Variants in BICD1 observed in about 807,000 individuals in gnomAD.
BICD1 encodes the protein BICD cargo adaptor 1.
Under a neutral mutation model 92.5 loss-of-function variants are expected in BICD1, and 35 were observed. The ratio of observed to expected loss-of-function variants is 0.38; its 90% CI spans 0.29 to 0.50. The LOEUF is 0.50. BICD1 is among the 20% of genes least tolerant of loss of function. BICD1 has a pLI of 0.93. For missense variants in BICD1, 950 were observed against 1,189.8 expected, an observed-to-expected ratio of 0.80 and a Z score of 2.97; for synonymous variants, 429 against 465.1, an observed-to-expected ratio of 0.92 and a Z score of 1.00.
chr12:32,127,440 C>T (rs1942385121), intron 1 of BICD1, among the ~76,000 whole-genome samples: 1 of 152,150 alleles, frequency 6.6e-6, no homozygotes, highest in Non-Finnish European at 1.5e-5. Flanking sequence ...ATCTTTCCTG[C>T]ACTAATTTCC....
At chr12:32,277,265 G>A (rs568602700) in intron 2 of BICD1, among the ~76,000 whole-genome samples, 3 of 152,190 alleles carry the variant, frequency 2.0e-5, no homozygotes, top group South Asian at 2.1e-4. Flanking sequence ...ATGGTGGCAC[G>A]CACCTGTAAT....
chr12:32,327,559 G>A lies in BICD1; in HGVS notation c.1104G>A (p.Val368=), dbSNP rs146721062. 8.1e-6 allele frequency: 13 copies of A among 1,614,164 alleles called. No individual in the cohort carries two copies. The highest frequency in any genetic ancestry group is 1.0e-5 in the Non-Finnish European group (12 of 1,180,032). The part of the protein sequence containing the change: ...KGALTEQHER[V]HRLTEHVNAM... ...CACTGACGGAGCAGCATGAGCGGGTGCACCGGCTCACAGAGCACGTCAATG... is the reference window on the plus strand; with the variant it reads ...CACTGACGGAGCAGCATGAGCGGGTACACCGGCTCACAGAGCACGTCAATG... Residue 368 remains valine, a synonymous_variant, in exon 5 of 10, where the codon GTG becomes GTA. Coordinates refer to ENST00000652176, the MANE Select transcript of BICD1 (RefSeq NM_001714.4).
chr12:32,107,707 C>T, intron 1 of BICD1, 163 bp downstream of exon 1: 1 of 857,360 alleles, frequency 1.2e-6, no homozygotes, highest in South Asian at 1.4e-5. Context: ...ATTGTTTCCT[C>T]CCCCAAGAGA....
At chr12:32,197,919 A>T (rs929025055) in intron 1 of BICD1, among the ~76,000 whole-genome samples, 3 of 152,076 alleles carry the variant, frequency 2.0e-5, no homozygotes, top group African/African-American at 7.2e-5. Flanking sequence ...TAAAAAAAAA[A>T]AAATTGCCAG....
At chr12:32,291,016 C>A (rs1947712371) in intron 2 of BICD1, among the ~76,000 whole-genome samples, 1 of 152,162 alleles carries the variant, frequency 6.6e-6, no homozygotes, top group Admixed American at 6.5e-5. Context: ...ACAGTGTCTG[C>A]CTATTTTATT....
intron 1 of BICD1, among the ~76,000 whole-genome samples, chr12:32,142,497 T>G (rs1942975154): frequency 1.5e-5 from 1 of 67,554 alleles, no homozygotes; most frequent in African/African-American, 4.8e-5. Flanking sequence ...TATTGGTCTA[T>G]CTATCTAGAT....
chr12:32,155,725 A>T (rs2121460342), intron 1 of BICD1, among the ~76,000 whole-genome samples: 1 of 152,380 alleles, frequency 6.6e-6, no homozygotes, highest in South Asian at 2.1e-4. Context: ...CAGTTGCATT[A>T]AAACATAAAA....
chr12:32,238,622 T>C (rs183104275), intron 2 of BICD1, among the ~76,000 whole-genome samples: 19 of 152,204 alleles, frequency 1.2e-4, no homozygotes, highest in African/African-American at 4.6e-4. Flanking sequence ...AAAGGAACAA[T>C]TGGTGCAGCA....
rs1940222193 is a variant in BICD1, at chr12:32,382,592, C to T, written c.*4965C>T. On this transcript the variant is annotated 3_prime_UTR_variant, in exon 10 of 10. Transcript: ENST00000652176. ...TTATTTAAAATTTGCCCTATTTAAG[C>T]TGAAGCCTGGATAAACTGCTGAGCC... 6.6e-6 allele frequency: 1 copy of T among 151,814 alleles called. No homozygotes were observed. Among genetic ancestry groups the T allele is most frequent in the Admixed American group, 6.6e-5 (1 of 15,236 alleles). The allele number at this position is 151,814 out of a possible 1,614,324, so 9.4% of individuals were successfully genotyped here. A position where few individuals can be genotyped will look rare whatever the true frequency, so the allele number is the denominator to read the frequency against.
chr12:32,308,376 C>T (rs969399558), intron 4 of BICD1, among the ~76,000 whole-genome samples: 2 of 152,160 alleles, frequency 1.3e-5, no homozygotes, highest in Non-Finnish European at 2.9e-5. Flanking sequence ...GACAGTCATT[C>T]TTAGAGGACA....
chr12:32,327,009 T>C (rs542873214), intron 4 of BICD1, among the ~76,000 whole-genome samples: 18 of 152,280 alleles, frequency 1.2e-4, no homozygotes, highest in Non-Finnish European at 2.4e-4. Context: ...TAAACCTGAT[T>C]TGGGGTTGAG....
chr12:32,192,775 G>A (rs1223384662), intron 1 of BICD1, among the ~76,000 whole-genome samples: 2 of 152,222 alleles, frequency 1.3e-5, no homozygotes, highest in African/African-American at 2.4e-5. Context: ...AAGATTATTA[G>A]TAAAGGTGGA....
chr12:32,318,088 A>C (rs1166447922), intron 4 of BICD1, among the ~76,000 whole-genome samples: 1 of 151,562 alleles, frequency 6.6e-6, no homozygotes, highest in Non-Finnish European at 1.5e-5. Flanking sequence ...TTTTGGTACC[A>C]GTACCATGCT....
rs372905471 is a variant in BICD1 at position 32,239,930 on chromosome 12, G to A, written c.426+23471G>A. Reference sequence around the variant, plus strand: ...GCCCACTCAAGCATTTTTTAATTAAGGTATGTATTTTTTAGATATGGTATT... The same window carrying A: ...GCCCACTCAAGCATTTTTTAATTAAAGTATGTATTTTTTAGATATGGTATT... On this transcript the variant is annotated intron_variant, in intron 2 of 9. Coordinates refer to ENST00000652176, the MANE Select transcript of BICD1 (RefSeq NM_001714.4). Among the ~76,000 whole-genome samples the A allele has an allele frequency of 6.6e-5, 10 of 152,062 alleles. No homozygotes were observed. In the East Asian group the frequency reaches 1.4e-3, roughly 21 times the overall value.
intron 2 of BICD1, among the ~76,000 whole-genome samples, chr12:32,262,923 C>T (rs1453809034): frequency 2.0e-5 from 3 of 151,738 alleles, no homozygotes; most frequent in Admixed American, 2.0e-4. Context: ...GTGGGCGGAT[C>T]GCTTGAGCTC....
rs567716958 is a variant in BICD1 at position 32,313,511 on chromosome 12, C to T, written c.1005+7389C>T. 2.6e-5 allele frequency among the ~76,000 whole-genome samples: 4 copies of T among 152,072 alleles called. No individual in the cohort carries two copies. The highest frequency in any genetic ancestry group is 3.9e-4 in the East Asian group (2 of 5,168). On this transcript the variant is annotated intron_variant, in intron 4 of 9. Transcript: ENST00000652176. This position sits in a 1 kb window ranked among gnomAD's most constrained non-coding sequence, Gnocchi z 4.2. ...AGTGGAGTTGCTACACAGAGACAGT[C>T]GAACAAGTGAAATATTATCTCTGCT...
At chr12:32,290,425 G>A (rs1947695187) in intron 2 of BICD1, among the ~76,000 whole-genome samples, 1 of 152,204 alleles carries the variant, frequency 6.6e-6, no homozygotes, top group African/African-American at 2.4e-5. Flanking sequence ...ACCAGGTAAA[G>A]TGTCTTGCAA....
At chr12:32,108,799 A>G (rs1941588549) in intron 1 of BICD1, 1 of 559,976 alleles carries the variant, frequency 1.8e-6, no homozygotes, top group Non-Finnish European at 3.2e-6. Flanking sequence ...AATCCCAACT[A>G]GGAATCTAAT....
In BICD1 at chr12:32,191,370, A is replaced by G. The variant is rs548247723; in HGVS notation, c.214-24877A>G. 3.7e-4 allele frequency among the ~76,000 whole-genome samples: 56 copies of G among 152,118 alleles called. No individual in the cohort carries two copies. In the South Asian group the frequency reaches 0.011, roughly 30 times the overall value. Reference sequence around the variant, plus strand: ...AAATAAATGAAATTATAAATGAAAGAAGAGATACAGGCATACCTTGGTTTA... The same window carrying G: ...AAATAAATGAAATTATAAATGAAAGGAGAGATACAGGCATACCTTGGTTTA... On this transcript the variant is annotated intron_variant, in intron 1 of 9. Coordinates refer to ENST00000652176, the MANE Select transcript of BICD1 (RefSeq NM_001714.4).
Sources: allele counts gnomAD v4.1 joint callset (sites outside exome capture counted in the v4.1 genomes callset), GRCh38; gene constraint gnomAD v4.1.1; non-coding constraint Gnocchi (gnomAD v3.1); transcripts MANE v1.5; gene names NCBI Gene and HGNC (gene_info 2026-07-23, HGNC 2026-07-21).